Variants in SPATA16 observed in about 807,000 individuals in gnomAD.
SPATA16 encodes the protein spermatogenesis-associated protein 16.
In SPATA16, 36 loss-of-function variants were observed where a neutral mutation model predicts 63.3. The observed-to-expected ratio is 0.57, with a 90% CI of 0.44 to 0.75. The LOEUF (loss-of-function observed/expected upper bound fraction) is 0.75. Among genes scored for constraint, SPATA16 ranks in the 30% least tolerant of loss-of-function variants. The pLI is 0.00. For missense variants in SPATA16, 646 were observed against 679.3 expected (o/e 0.95, Z 0.54); for synonymous variants, 203 against 216.7 (o/e 0.94, Z 0.56).
In SPATA16 at chr3:173,019,587, T is replaced by C. The variant is rs1346489573; in HGVS notation, c.759-12A>G. On this transcript the variant is annotated splice_polypyrimidine_tract_variant and intron_variant, in intron 3 of 10. Coordinates refer to ENST00000351008, the MANE Select transcript of SPATA16 (RefSeq NM_031955.6). ...TTAAAACAATGCTCCTGTAAAAAGG[T>C]AAAAGAAATGCAAATGTTATTTGGG... 1 of 1,611,912 alleles carries C rather than the reference T, an allele frequency of 6.2e-7. No homozygotes were observed. The highest frequency in any genetic ancestry group is 8.5e-7 in the Non-Finnish European group (1 of 1,178,270).
chr3:172,938,062 A>C (rs1733050839), intron 6 of SPATA16, among the ~76,000 whole-genome samples: 1 of 152,248 alleles, frequency 6.6e-6, no homozygotes, highest in Non-Finnish European at 1.5e-5. Context: ...GATTGGCTTC[A>C]TAATAAGCAG....
chr3:173,115,332 T>G (rs1206864745), intron 2 of SPATA16, among the ~76,000 whole-genome samples: 1 of 152,232 alleles, frequency 6.6e-6, no homozygotes, highest in African/African-American at 2.4e-5. Flanking sequence ...TTATTTTTCT[T>G]TATCTATAAA....
chr3:172,986,465 G>A (rs1023936454), intron 4 of SPATA16, among the ~76,000 whole-genome samples: 4 of 152,112 alleles, frequency 2.6e-5, no homozygotes, highest in African/African-American at 9.7e-5. Context: ...ATCAATATAT[G>A]TACTAATGCA....
intron 4 of SPATA16, among the ~76,000 whole-genome samples, chr3:172,979,012 C>T (rs1205924099): frequency 3.9e-5 from 6 of 152,216 alleles, no homozygotes; most frequent in African/African-American, 9.6e-5. Flanking sequence ...CCGAGGTCGG[C>T]GGATCATGAG....
intron 6 of SPATA16, among the ~76,000 whole-genome samples, chr3:172,937,102 A>G (rs551381337): frequency 6.6e-6 from 1 of 152,320 alleles, no homozygotes; most frequent in Admixed American, 6.5e-5. Flanking sequence ...AGTTAGTGTC[A>G]GAAAGCTAGA....
At chr3:172,930,590 G>A (rs373978047) in intron 6 of SPATA16, among the ~76,000 whole-genome samples, 5 of 117,342 alleles carry the variant, frequency 4.3e-5, no homozygotes, top group African/African-American at 1.0e-4. Flanking sequence ...ATGGAGTCTC[G>A]CTCTGTCGCC....
intron 10 of SPATA16, among the ~76,000 whole-genome samples, chr3:172,906,816 A>C: frequency 6.6e-6 from 1 of 152,136 alleles, no homozygotes. Context: ...ATCTTGGCTC[A>C]CTGCAACCTC....
chr3:172,949,058 G>C (rs1209561853), intron 6 of SPATA16, among the ~76,000 whole-genome samples: 1 of 152,100 alleles, frequency 6.6e-6, no homozygotes, highest in Non-Finnish European at 1.5e-5. Context: ...GTAGGGGGTA[G>C]GGAGTTGTTT....
chr3:173,070,457 C>T (rs1736644627), intron 2 of SPATA16, among the ~76,000 whole-genome samples: 1 of 150,516 alleles, frequency 6.6e-6, no homozygotes. Context: ...TACTAGAAGC[C>T]CTAGTCAGAG....
At chr3:173,017,013 CAAAAA>C (rs5854498) in intron 4 of SPATA16, among the ~76,000 whole-genome samples, 3 of 140,208 alleles carry the variant, frequency 2.1e-5, no homozygotes, top group Non-Finnish European at 4.7e-5. Flanking sequence ...AAGACTGTCT[CAAAAA>C]AAAAAAAAAG....
rs1577138729 is a variant in SPATA16 at position 173,028,017 on chromosome 3, T to TCCCTC, written c.759-8443_759-8442insGAGGG. Among the ~76,000 whole-genome samples, 69 of 22,696 alleles carry TCCCTC rather than the reference T, an allele frequency of 3.0e-3. 3 individuals carry two copies. Among genetic ancestry groups the TCCCTC allele is most frequent in the East Asian group, 0.017 (8 of 462 alleles). The allele number at this position is 22,696 out of a possible 152,430, so 14.9% of individuals were successfully genotyped here. A position where few individuals can be genotyped will look rare whatever the true frequency, so the allele number is the denominator to read the frequency against. Reference sequence around the variant, plus strand: ...TCCCTCCCTCCCTCCCTCCCTCCCTTCCTTCTTTCCTTCCTTCCTTCCTTC... The same window carrying TCCCTC: ...TCCCTCCCTCCCTCCCTCCCTCCCTTCCCTCCCTTCTTTCCTTCCTTCCTTCCTTC... On this transcript the variant is annotated intron_variant, in intron 3 of 10. Transcript: ENST00000351008.
intron 2 of SPATA16, among the ~76,000 whole-genome samples, chr3:173,077,281 T>C (rs1488153487): frequency 2.0e-5 from 3 of 152,158 alleles, no homozygotes; most frequent in African/African-American, 7.2e-5. Flanking sequence ...TAAGTTAGAC[T>C]TTCTTCTTCA....
At chr3:173,026,706 C>T (rs1735461635) in intron 3 of SPATA16, among the ~76,000 whole-genome samples, 1 of 151,880 alleles carries the variant, frequency 6.6e-6, no homozygotes, top group Admixed American at 6.6e-5. Context: ...ATAACCTTGA[C>T]ATGATTATCA....
In SPATA16 at chr3:173,019,522, A is replaced by T. The variant is rs762362217; in HGVS notation, c.812T>A (p.Val271Glu). The change falls in exon 4 of 11, where the codon GTG (valine) becomes GAG (glutamate). Residue 271 changes from valine (V) to glutamate (E), a missense_variant. By Grantham distance (121) the Val-to-Glu change is moderately radical (BLOSUM62 -2). Transcript: ENST00000351008. ...TGAATACCTCTCCAGACATCTAAAC[A>T]CTGTTGCTTGACGAAGATGATTCCG... ...YFRNHLRQATVFRCLERYSEA... is the reference protein window; with the variant it reads ...YFRNHLRQATEFRCLERYSEA... 1.2e-6 allele frequency: 2 copies of T among 1,614,118 alleles called. No homozygotes were observed. The highest frequency in any genetic ancestry group is 1.7e-6 in the Non-Finnish European group (2 of 1,179,984).
At chr3:173,028,896 G>A (rs1735532920) in intron 3 of SPATA16, among the ~76,000 whole-genome samples, 1 of 151,992 alleles carries the variant, frequency 6.6e-6, no homozygotes, top group Admixed American at 6.6e-5. Context: ...GGAAAACATA[G>A]TGTGTGAAGA....
chr3:173,057,878 T>A (rs1736276545), intron 2 of SPATA16, among the ~76,000 whole-genome samples: 1 of 152,200 alleles, frequency 6.6e-6, no homozygotes, highest in Non-Finnish European at 1.5e-5. Context: ...AATTCTTTTT[T>A]CCTATATTTA....
In SPATA16 at chr3:172,960,889, C is replaced by CTT. The variant is rs1733739200; in HGVS notation, c.934-4066_934-4065insAA. Among the ~76,000 whole-genome samples the CTT allele has an allele frequency of 1.3e-5, 2 of 148,174 alleles. 1 individual carries two copies. The highest frequency in any genetic ancestry group is 2.9e-5 in the Non-Finnish European group (2 of 67,842). ...ACTTTCTTTCTCTCTTTCTTTCTCT[C>CTT]TCTCCTTCCTTCCTTCCTCCCTCCC... On this transcript the variant is annotated intron_variant, in intron 5 of 10. Coordinates refer to ENST00000351008, the MANE Select transcript of SPATA16 (RefSeq NM_031955.6).
chr3:173,083,462 A>G (rs1019895794), intron 2 of SPATA16, among the ~76,000 whole-genome samples: 3 of 152,182 alleles, frequency 2.0e-5, no homozygotes, highest in Admixed American at 2.0e-4. Flanking sequence ...GTACAATGCA[A>G]AAGATAGACC....
intron 2 of SPATA16, among the ~76,000 whole-genome samples, chr3:173,100,263 T>C (rs553490777): frequency 6.6e-6 from 1 of 152,348 alleles, no homozygotes; most frequent in African/African-American, 2.4e-5. Flanking sequence ...GGATACTTGA[T>C]TGCTGTTTTC....
Sources: allele counts gnomAD v4.1 joint callset (sites outside exome capture counted in the v4.1 genomes callset), GRCh38; gene constraint gnomAD v4.1.1; transcripts MANE v1.5; gene names NCBI Gene and HGNC (gene_info 2026-07-23, HGNC 2026-07-21).